WT1: variants seen among roughly 807,000 people sequenced by gnomAD.
WT1 encodes Wilms tumor protein.
A neutral mutation model predicts 60.8 loss-of-function variants in WT1; 8 were observed. The observed-to-expected ratio is 0.13, with a 90% CI of 0.08 to 0.24. WT1 has a LOEUF of 0.24. Ranked by LOEUF, WT1 falls within the 10% of genes least tolerant of loss-of-function variation. WT1 has a pLI of 1.00. For missense variants in WT1, 568 were observed against 711.8 expected, an observed-to-expected ratio of 0.80 and a Z score of 2.30; for synonymous variants, 312 against 297.1, an observed-to-expected ratio of 1.05 and a Z score of -0.52.
rs1271668369 is a variant in WT1, at chr11:32,396,396, ACG to A, written c.1123_1124del (p.Arg375CysfsTer14). ...CAAGAGTCGGGGCTACTCCAGGCAC[ACG>A]TCGCACATCCTGCAGGCAGAGAGTA... On this transcript the variant is annotated frameshift_variant, in exon 7 of 10. Coordinates refer to ENST00000452863, the MANE Select transcript of WT1 (RefSeq NM_024426.6). LOFTEE classifies it high-confidence loss of function. 3.7e-6 allele frequency: 6 copies of A among 1,614,054 alleles called. No homozygotes were observed. Among genetic ancestry groups the A allele is most frequent in the East Asian group, 2.2e-5 (1 of 44,872 alleles).
In WT1 at chr11:32,428,488, C is replaced by T; in HGVS notation, c.784+9G>A. On this transcript the variant is annotated intron_variant, in intron 2 of 9. Transcript: ENST00000452863. ...GGGAGAAGGACTCCACTTGGTTCCGCTCGCTTACCCAGCGAGCCCTGCTGG... is the reference window on the plus strand; with the variant it reads ...GGGAGAAGGACTCCACTTGGTTCCGTTCGCTTACCCAGCGAGCCCTGCTGG... 1 of 1,614,088 alleles carries T rather than the reference C, an allele frequency of 6.2e-7. No individual in the cohort carries two copies. Among genetic ancestry groups the T allele is most frequent in the Non-Finnish European group, 8.5e-7 (1 of 1,180,034 alleles).
chr11:32,427,620 G>C (rs1333449380), intron 3 of WT1, among the ~76,000 whole-genome samples: 1 of 152,244 alleles, frequency 6.6e-6, no homozygotes, highest in African/African-American at 2.4e-5. Context: ...TCAGAACCGA[G>C]TGGGAGTGGA....
intron 6 of WT1, among the ~76,000 whole-genome samples, chr11:32,397,442 A>C (rs902817373): frequency 2.6e-5 from 4 of 151,734 alleles, no homozygotes; most frequent in Non-Finnish European, 5.9e-5. Context: ...CAGCCTCCTG[A>C]ACAGCTGGGA....
chr11:32,417,445 C>A (rs751855011), intron 4 of WT1, 132 bp downstream of exon 4: 97 of 795,744 alleles, frequency 1.2e-4, no homozygotes, highest in Non-Finnish European at 1.9e-4. Context: ...AGGAGGAAAG[C>A]GTTCTAATGT....
intron 5 of WT1, among the ~76,000 whole-genome samples, chr11:32,414,715 A>G (rs780064968): frequency 6.6e-6 from 1 of 152,112 alleles, no homozygotes; most frequent in Non-Finnish European, 1.5e-5. Flanking sequence ...TCTACCAAAA[A>G]TACAAAAATT....
intron 6 of WT1, among the ~76,000 whole-genome samples, chr11:32,399,672 C>T (rs1372591849): frequency 6.6e-6 from 1 of 152,206 alleles, no homozygotes; most frequent in East Asian, 1.9e-4. Context: ...GCACAGCCCG[C>T]CCTGGAGAAG....
chr11:32,394,965 A>T (rs1402482976), intron 7 of WT1, among the ~76,000 whole-genome samples: 1 of 152,234 alleles, frequency 6.6e-6, no homozygotes, highest in African/African-American at 2.4e-5. Context: ...TAACCTTGAC[A>T]GTCACTTTTC....
intron 1 of WT1, among the ~76,000 whole-genome samples, chr11:32,429,825 C>T (rs1853210264): frequency 6.6e-6 from 1 of 151,978 alleles, no homozygotes; most frequent in Non-Finnish European, 1.5e-5. Flanking sequence ...TTGGGTCAAA[C>T]AGCACCCATT....
intron 3 of WT1, among the ~76,000 whole-genome samples, chr11:32,426,880 C>T (rs1340871646): frequency 6.6e-6 from 1 of 152,134 alleles, no homozygotes; most frequent in African/African-American, 2.4e-5. Context: ...AGGACTCCCG[C>T]CCCTCCTCCA....
intron 5 of WT1, among the ~76,000 whole-genome samples, chr11:32,409,679 G>A (rs1245184363): frequency 6.6e-6 from 1 of 151,954 alleles, no homozygotes; most frequent in East Asian, 1.9e-4. Flanking sequence ...TGACCAGGCT[G>A]GTCTTGAATT....
Position 32,395,490 on chromosome 11 carries a change from T to C in WT1, c.1264+767A>G, listed in dbSNP as rs1056990068. The stretch of plus-strand genomic sequence containing the variant: ...TCTCTCTCTCTCCTTTTTTTTTTTT[T>C]TGGCAGAGTCTTGCTCTGTCGCCCA... On this transcript the variant is annotated intron_variant, in intron 7 of 9. Coordinates refer to ENST00000452863, the MANE Select transcript of WT1 (RefSeq NM_024426.6). Among the ~76,000 whole-genome samples the C allele has an allele frequency of 3.9e-5, 6 of 152,138 alleles. 1 individual carries two copies. The highest frequency in any genetic ancestry group is 3.9e-4 in the Admixed American group (6 of 15,280).
chr11:32,414,333 C>T (rs1852597133), intron 5 of WT1, among the ~76,000 whole-genome samples: 1 of 152,140 alleles, frequency 6.6e-6, no homozygotes, highest in South Asian at 2.1e-4. Flanking sequence ...AATGCAGTGG[C>T]CTGATCTTGG....
rs189671064 is a variant in WT1, at chr11:32,411,119, C to T, written c.1016+5371G>A. Among the ~76,000 whole-genome samples the T allele has an allele frequency of 8.6e-5, 12 of 140,074 alleles. No individual in the cohort carries two copies. In the East Asian group the frequency reaches 2.0e-3, roughly 23 times the overall value. The allele number at this position is 140,074 out of a possible 152,430, so 91.9% of individuals were successfully genotyped here. A position where few individuals can be genotyped will look rare whatever the true frequency, so the allele number is the denominator to read the frequency against. On this transcript the variant is annotated intron_variant, in intron 5 of 9. Transcript: ENST00000452863. ...CTTTTATCAATCCTCATTAACCTCA[C>T]TTCACCTCCCTGTGCTACAATCACT...
intron 5 of WT1, among the ~76,000 whole-genome samples, chr11:32,403,833 T>C (rs1030053556): frequency 2.6e-5 from 4 of 151,744 alleles, no homozygotes; most frequent in African/African-American, 9.7e-5. Flanking sequence ...TCGGCTCCCA[T>C]TGTGCTGGGA....
intron 1 of WT1, among the ~76,000 whole-genome samples, chr11:32,429,998 G>GAA (rs112676245): frequency 7.5e-4 from 103 of 137,202 alleles, no homozygotes; most frequent in Middle Eastern, 3.7e-3. Context: ...AAAAGAAAAA[G>GAA]AAAAAAAAAA....
chr11:32,401,291 A>C (rs912311080), intron 5 of WT1, among the ~76,000 whole-genome samples: 3 of 152,222 alleles, frequency 2.0e-5, no homozygotes, highest in African/African-American at 7.2e-5. Flanking sequence ...AAATGTCCAG[A>C]ATAAGCAAAT....
rs1590410151 is a variant in WT1 at position 32,435,003 on chromosome 11, C to T, written c.358G>A (p.Ala120Thr). The T allele has an allele frequency of 6.7e-7, 1 of 1,493,106 alleles. No individual in the cohort carries two copies. Among genetic ancestry groups the T allele is most frequent in the South Asian group, 1.3e-5 (1 of 76,530 alleles). 92.5% of individuals were successfully genotyped at this position (1,493,106 alleles called of 1,614,324 possible). A position where few individuals can be genotyped will look rare whatever the true frequency, so the allele number is the denominator to read the frequency against. The change falls in exon 1 of 10, where the codon GCT (alanine) becomes ACT (threonine). Residue 120 changes from alanine (A) to threonine (T), a missense_variant. By Grantham distance (58) the Ala-to-Thr change is moderately conservative. This residue lies in a region of WT1 where 523 missense variants were observed against 565.1 expected (regional missense o/e 0.93). Coordinates refer to ENST00000452863, the MANE Select transcript of WT1 (RefSeq NM_024426.6). ...GCGGGGCCGCCCAACGACCCGTAAG[C>T]CGAAGCGCCCGGGGGCGCAAAGTCC...
At chr11:32,423,979 G>A (rs1293229212) in intron 3 of WT1, among the ~76,000 whole-genome samples, 3 of 151,976 alleles carry the variant, frequency 2.0e-5, no homozygotes, top group Non-Finnish European at 4.4e-5. Context: ...TGGCTAACAC[G>A]GTGAAACCCC....
At chr11:32,428,158 G>A in intron 2 of WT1, 100 bp from the exon 3 acceptor site, 2 of 1,129,576 alleles carry the variant, frequency 1.8e-6, no homozygotes, top group Non-Finnish European at 2.5e-6. Flanking sequence ...CCTGAGCCTG[G>A]GGCACTGGGG....
Sources: allele counts gnomAD v4.1 joint callset (sites outside exome capture counted in the v4.1 genomes callset), GRCh38; gene constraint gnomAD v4.1.1; regional missense constraint gnomAD v4.1.1; transcripts MANE v1.5; gene names NCBI Gene and HGNC (gene_info 2026-07-23, HGNC 2026-07-21).